The following CHD1L variants were observed in gnomAD, a reference collection of about 807,000 sequenced individuals.
CHD1L encodes chromodomain helicase DNA binding protein 1 like, also known as ATP-dependent chromatin remodeler CHD1L.
A neutral mutation model predicts 115.9 loss-of-function variants in CHD1L; 118 were observed. The observed-to-expected ratio is 1.02, with a 90% CI of 0.88 to 1.19. CHD1L has a LOEUF of 1.19. CHD1L is among the 50% of genes most tolerant of loss of function. CHD1L has a pLI of 0.00. For synonymous variants in CHD1L, 411 were observed against 387.1 expected, an observed-to-expected ratio of 1.06 and a Z score of -0.72; for missense variants, 1,179 against 1,065.3, an observed-to-expected ratio of 1.11 and a Z score of -1.49.
the CHD1L span, chr1:147,173,621 G>A: frequency 6.6e-6 from 1 of 152,188 alleles, no homozygotes; most frequent in Non-Finnish European, 1.5e-5. Flanking sequence ...ATGAAAATTA[G>A]TGGAATCCCT....
chr1:147,228,160 GC>G, the CHD1L span, among the ~76,000 whole-genome samples: 1 of 140,102 alleles, frequency 7.1e-6, no homozygotes, highest in Non-Finnish European at 1.6e-5. Context: ...CCCTTCCCCA[GC>G]CCCCCACCCC....
the CHD1L span, among the ~76,000 whole-genome samples, chr1:147,208,284 C>G: frequency 6.6e-6 from 1 of 151,900 alleles, no homozygotes; most frequent in African/African-American, 2.4e-5. Context: ...GGGTATCATG[C>G]AAAAAGAACT....
At chr1:147,215,922 C>T in the CHD1L span, 3 of 1,606,066 alleles carry the variant, frequency 1.9e-6, no homozygotes, top group East Asian at 6.7e-5. Flanking sequence ...AAATACTGGC[C>T]CTTCCTTCTT....
At chr1:147,278,522 G>GGA (rs1229256315) in intron 14 of CHD1L, among the ~76,000 whole-genome samples, 1 of 3,714 alleles carries the variant, frequency 2.7e-4, no homozygotes, top group African/African-American at 1.3e-3. Context: ...TGCGCCTGGG[G>GGA]GTATTTTTTT....
At chr1:147,222,651 G>A in the CHD1L span, among the ~76,000 whole-genome samples, 6 of 152,332 alleles carry the variant, frequency 3.9e-5, no homozygotes, top group South Asian at 1.0e-3. Flanking sequence ...GGTGTGGTCT[G>A]TTGGAACAGA....
At position 147,286,453 on chromosome 1, in the gene CHD1L, C is replaced by T. The variant is rs372787282; in HGVS notation, c.2174C>T (p.Thr725Ile). 261 of 1,613,976 alleles carry T rather than the reference C, an allele frequency of 1.6e-4. 1 individual carries two copies. Among genetic ancestry groups the T allele is most frequent in the Non-Finnish European group, 2.1e-4 (245 of 1,180,044 alleles). The change falls in exon 18 of 23, where the codon ACC becomes ATC. Residue 725 changes from threonine to isoleucine, a missense_variant. By Grantham distance (89) the Thr-to-Ile change is moderately conservative. Transcript: ENST00000369258. Reference protein sequence around the residue: ...TSLKYVSGDVTHPQAGAEDAL... With the variant: ...TSLKYVSGDVIHPQAGAEDAL... ...CTCAAGTACGTTAGTGGTGATGTCA[C>T]CCACCCTCAGGCTGGGGCCGAGGAT... is the stretch of plus-strand genomic sequence containing the variant.
chr1:147,291,644 T>C (rs920050714), intron 20 of CHD1L, 92 bp downstream of exon 20: 1 of 942,082 alleles, frequency 1.1e-6, no homozygotes, highest in South Asian at 1.3e-5. Context: ...TCTCTGCTAG[T>C]GTATTAGTTT....
chr1:147,212,462 T>G, the CHD1L span: 1 of 1,613,910 alleles, frequency 6.2e-7, no homozygotes, highest in Non-Finnish European at 8.5e-7. Context: ...TTATAATGAC[T>G]CTCTTTCCAG....
At chr1:147,205,033 T>A in the CHD1L span, 1 of 707,164 alleles carries the variant, frequency 1.4e-6, no homozygotes, top group Non-Finnish European at 2.5e-6. Context: ...CAGTCACTCT[T>A]CCATCTTTGC....
At chr1:147,194,760 C>T in the CHD1L span, among the ~76,000 whole-genome samples, 1 of 151,122 alleles carries the variant, frequency 6.6e-6, no homozygotes, top group Non-Finnish European at 1.5e-5. Context: ...GTCTCCTTCA[C>T]TTATGAAGCT....
intron 1 of CHD1L, among the ~76,000 whole-genome samples, chr1:147,250,871 C>T (rs984083691): frequency 3.3e-5 from 5 of 152,130 alleles, no homozygotes; most frequent in South Asian, 2.1e-4. Flanking sequence ...ATAATCTCCA[C>T]GTGTCAAGGG....
intron 15 of CHD1L, 93 bp downstream of exon 15, chr1:147,280,284 C>A: frequency 1.6e-6 from 2 of 1,282,716 alleles, no homozygotes; most frequent in Non-Finnish European, 2.1e-6. Flanking sequence ...CTCTCTGGGG[C>A]ATCTTTTTTC....
At chr1:147,224,813 C>T in the CHD1L span, 1 of 1,431,876 alleles carries the variant, frequency 7.0e-7, no homozygotes, top group Non-Finnish European at 9.8e-7. Context: ...GCCCGGCCAC[C>T]TGACACTGTT....
At chr1:147,237,343 G>C in the CHD1L span, among the ~76,000 whole-genome samples, 12 of 152,014 alleles carry the variant, frequency 7.9e-5, no homozygotes, top group Non-Finnish European at 1.6e-4. Flanking sequence ...CACCCAGGAG[G>C]GTGGGGCTCC....
the CHD1L span, among the ~76,000 whole-genome samples, chr1:147,192,189 A>G: frequency 7.2e-5 from 11 of 151,922 alleles, no homozygotes; most frequent in Non-Finnish European, 1.6e-4. Flanking sequence ...TATTTCATTG[A>G]GCAGTGGTTT....
At position 147,267,487 on chromosome 1, in the gene CHD1L, A is replaced by G; in HGVS notation, c.957A>G (p.Arg319=). 1 of 1,612,786 alleles carries G rather than the reference A, an allele frequency of 6.2e-7. No individual in the cohort carries two copies. The highest frequency in any genetic ancestry group is 8.5e-7 in the Non-Finnish European group (1 of 1,179,304). ...VKLQNILSQL[R]KCVDHPYLFD... Reference sequence around the variant, plus strand: ...TACAGAACATTTTGTCCCAGCTTCGAAAGTGTGTGGATCACCCATATTTGT... The same window carrying G: ...TACAGAACATTTTGTCCCAGCTTCGGAAGTGTGTGGATCACCCATATTTGT... The change falls in exon 9 of 23, where the codon CGA becomes CGG. Residue 319 remains arginine, a synonymous_variant. Coordinates refer to ENST00000369258, the MANE Select transcript of CHD1L (RefSeq NM_004284.6).
chr1:147,256,263 T>C (rs976535668), intron 4 of CHD1L, among the ~76,000 whole-genome samples: 12 of 152,148 alleles, frequency 7.9e-5, no homozygotes, highest in Admixed American at 5.9e-4. Flanking sequence ...TACTGGAGGA[T>C]AGGAATGGAA....
chr1:147,216,954 A>G, the CHD1L span, among the ~76,000 whole-genome samples: 16 of 152,180 alleles, frequency 1.1e-4, no homozygotes, highest in South Asian at 3.1e-3. Flanking sequence ...AAAACTTCCT[A>G]TTGAGGCCGG....
the CHD1L span, chr1:147,178,530 C>A: frequency 5.0e-6 from 8 of 1,611,122 alleles, no homozygotes; most frequent in South Asian, 7.7e-5. Context: ...CAGTGCCTCT[C>A]AGGACTGAGG....
Sources: gnomAD v4.1 joint callset for allele counts (sites outside exome capture counted in the v4.1 genomes callset) on GRCh38, gnomAD v4.1.1 for gene constraint, MANE v1.5 for transcripts, NCBI Gene and HGNC (gene_info 2026-07-23, HGNC 2026-07-21) for gene names.